NUBPL: variants seen among roughly 807,000 people sequenced by gnomAD.
NUBPL encodes the protein iron-sulfur cluster transfer protein NUBPL.
NUBPL carries 31 observed loss-of-function variants against 45.7 expected under a neutral mutation model. That is an observed-to-expected ratio of 0.68 (90% CI 0.51 to 0.92). The LOEUF (loss-of-function observed/expected upper bound fraction) is 0.92. Among genes scored for constraint, NUBPL ranks in the 40% least tolerant of loss-of-function variants. NUBPL has a pLI of 0.00. For synonymous variants in NUBPL, 144 were observed against 140.9 expected, an observed-to-expected ratio of 1.02 and a Z score of -0.15; for missense variants, 401 against 398.7, an observed-to-expected ratio of 1.01 and a Z score of -0.05.
At chr14:31,812,926 C>A (rs183736643) in intron 7 of NUBPL, among the ~76,000 whole-genome samples, 1 of 151,942 alleles carries the variant, frequency 6.6e-6, no homozygotes, top group Non-Finnish European at 1.5e-5. Context: ...TCCATGAAGG[C>A]CTCTTTTGTC....
At chr14:31,717,649 G>T (rs1304668193) in intron 6 of NUBPL, among the ~76,000 whole-genome samples, 1 of 151,978 alleles carries the variant, frequency 6.6e-6, no homozygotes, top group African/African-American at 2.4e-5. Context: ...CTTAATCTAA[G>T]CCTTAAAAAG....
chr14:31,850,374 G>T (rs183959735), intron 10 of NUBPL, among the ~76,000 whole-genome samples, 173 bp downstream of exon 10: 2 of 152,250 alleles, frequency 1.3e-5, no homozygotes, highest in Non-Finnish European at 2.9e-5. Flanking sequence ...TAAGCTTCCA[G>T]TGCTGGCTCT....
At chr14:31,802,318 C>T (rs1481438717) in intron 7 of NUBPL, among the ~76,000 whole-genome samples, 1 of 151,554 alleles carries the variant, frequency 6.6e-6, no homozygotes, top group Non-Finnish European at 1.5e-5. Context: ...GCTCTGTCAC[C>T]AGGCTGGAGT....
chr14:31,758,753 T>C (rs959003678), intron 6 of NUBPL, among the ~76,000 whole-genome samples: 6 of 152,198 alleles, frequency 3.9e-5, no homozygotes, highest in Non-Finnish European at 7.3e-5. Flanking sequence ...CATGAAATAC[T>C]ATTTTGTCAT....
At chr14:31,669,332 T>C (rs2036514891) in intron 4 of NUBPL, among the ~76,000 whole-genome samples, 1 of 152,216 alleles carries the variant, frequency 6.6e-6, no homozygotes, top group Non-Finnish European at 1.5e-5. Context: ...TAAGCTATTT[T>C]GAGATACACA....
At chr14:31,672,041 A>G (rs973753341) in intron 4 of NUBPL, among the ~76,000 whole-genome samples, 15 of 152,190 alleles carry the variant, frequency 9.9e-5, no homozygotes, top group African/African-American at 1.9e-4. Flanking sequence ...AGGTGATTGC[A>G]TAGATAGTTT....
intron 4 of NUBPL, among the ~76,000 whole-genome samples, chr14:31,610,497 C>A (rs955360360): frequency 2.0e-5 from 3 of 149,018 alleles, no homozygotes; most frequent in African/African-American, 7.4e-5. Flanking sequence ...TTTAAAGAAC[C>A]AATACCAATC....
intron 4 of NUBPL, among the ~76,000 whole-genome samples, chr14:31,670,730 T>A (rs1416032250): frequency 6.6e-6 from 1 of 152,232 alleles, no homozygotes; most frequent in Non-Finnish European, 1.5e-5. Flanking sequence ...GAATAGAGAA[T>A]CCTTTCCCCA....
intron 7 of NUBPL, among the ~76,000 whole-genome samples, chr14:31,799,457 A>G (rs1331377670): frequency 6.6e-6 from 1 of 152,156 alleles, no homozygotes; most frequent in Non-Finnish European, 1.5e-5. Context: ...TATATGCTCC[A>G]TCTTGTTACA....
At chr14:31,607,335 A>G (rs1455209682) in intron 4 of NUBPL, among the ~76,000 whole-genome samples, 1 of 151,730 alleles carries the variant, frequency 6.6e-6, no homozygotes, top group Non-Finnish European at 1.5e-5. Context: ...GTGAGCCGAG[A>G]TCGTGCCACT....
intron 3 of NUBPL, among the ~76,000 whole-genome samples, chr14:31,568,272 A>G (rs1341190903): frequency 6.6e-6 from 1 of 152,308 alleles, no homozygotes; most frequent in East Asian, 1.9e-4. Context: ...TTTGAGTCTT[A>G]TAGATAATGT....
At chr14:31,850,235 CT>C (rs36044395) in intron 10 of NUBPL, 34 bp downstream of exon 10, 20 of 1,501,106 alleles carry the variant, frequency 1.3e-5, no homozygotes, top group Non-Finnish European at 1.7e-5. Flanking sequence ...ATTTTTATTT[CT>C]TTTTATGTAC....
At chr14:31,680,617 G>A (rs2139831302) in intron 6 of NUBPL, among the ~76,000 whole-genome samples, 1 of 152,046 alleles carries the variant, frequency 6.6e-6, no homozygotes. Context: ...CAATATCTGT[G>A]GGGGATTGGT....
At chr14:31,703,299 A>C (rs538410792) in intron 6 of NUBPL, 1 of 152,546 alleles carries the variant, frequency 6.6e-6, no homozygotes, top group African/African-American at 2.4e-5. Context: ...GCCTGCATCC[A>C]TAGTGCCCTT....
chr14:31,848,543 C>A (rs773532417), intron 9 of NUBPL, among the ~76,000 whole-genome samples: 1 of 152,154 alleles, frequency 6.6e-6, no homozygotes, highest in Non-Finnish European at 1.5e-5. Context: ...AGGTCTCAGA[C>A]CATCTCACAG....
chr14:31,820,154 G>GAA (rs796345662), intron 7 of NUBPL, among the ~76,000 whole-genome samples: 2 of 65,064 alleles, frequency 3.1e-5, no homozygotes, highest in African/African-American at 6.5e-5. Context: ...AAAAAAAAAA[G>GAA]AAAAAGAAAA....
intron 4 of NUBPL, among the ~76,000 whole-genome samples, chr14:31,646,072 G>T (rs1282606990): frequency 6.6e-6 from 1 of 151,962 alleles, no homozygotes; most frequent in African/African-American, 2.4e-5. Flanking sequence ...TGGATCTGGT[G>T]GTGGTGAATT....
At chr14:31,811,267 G>C (rs2039799473) in intron 7 of NUBPL, among the ~76,000 whole-genome samples, 1 of 152,134 alleles carries the variant, frequency 6.6e-6, no homozygotes, top group Non-Finnish European at 1.5e-5. Flanking sequence ...ATTACATGTA[G>C]ACTTGGTCTG....
chr14:31,603,320 AAAAG>A (rs2034498020), intron 4 of NUBPL, among the ~76,000 whole-genome samples: 1 of 145,542 alleles, frequency 6.9e-6, no homozygotes, highest in Non-Finnish European at 1.6e-5. Context: ...AAAAAAAAGA[AAAAG>A]AAAAGAAAAG....
Sources: allele counts gnomAD v4.1 joint callset (sites outside exome capture counted in the v4.1 genomes callset), GRCh38; gene constraint gnomAD v4.1.1; transcripts MANE v1.5; gene names NCBI Gene and HGNC (gene_info 2026-07-23, HGNC 2026-07-21).